Variants in PLXNC1 observed in about 807,000 individuals in gnomAD.
PLXNC1 encodes plexin C1, also known as plexin-C1.
A neutral mutation model predicts 178.2 loss-of-function variants in PLXNC1; 75 were observed. The ratio of observed to expected loss-of-function variants is 0.42; its 90% CI spans 0.35 to 0.51. PLXNC1 has a LOEUF of 0.51. Among genes scored for constraint, PLXNC1 ranks in the 20% least tolerant of loss-of-function variants. PLXNC1 has a pLI of 0.02. For synonymous variants in PLXNC1, 790 were observed against 779.9 expected (o/e 1.01, Z -0.22); for missense variants, 1,503 against 1,984.4 (o/e 0.76, Z 4.61).
chr12:94,302,202 C>T (rs888510421), intron 28 of PLXNC1, among the ~76,000 whole-genome samples: 7 of 152,154 alleles, frequency 4.6e-5, no homozygotes, highest in African/African-American at 9.7e-5. Context: ...GGGCTTCAGC[C>T]CTCTTTGCTG....
chr12:94,249,136 C>T lies in PLXNC1; in HGVS notation c.2778+724C>T, dbSNP rs943658748. 2.6e-5 allele frequency among the ~76,000 whole-genome samples: 4 copies of T among 152,260 alleles called. No individual in the cohort carries two copies. In the East Asian group the frequency reaches 5.8e-4, roughly 22 times the overall value. The stretch of plus-strand genomic sequence containing the variant: ...GCAACAACAAAAATGTGTTCATGTC[C>T]CACTGGCACCAGTTAATAGCTCTGT... On this transcript the variant is annotated intron_variant, in intron 14 of 30. Transcript: ENST00000258526.
At chr12:94,203,990 T>G (rs74752406) in intron 4 of PLXNC1, among the ~76,000 whole-genome samples, 31 of 152,318 alleles carry the variant, frequency 2.0e-4, no homozygotes, top group African/African-American at 7.5e-4. Context: ...CCTCGCTCTC[T>G]CTTGCTCTTC....
In PLXNC1 at chr12:94,240,374, C is replaced by T. The variant is rs1004298006; in HGVS notation, c.2121-111C>T. 9.9e-6 allele frequency: 8 copies of T among 811,916 alleles called. No homozygotes were observed. The African/African-American group carries it at 1.4e-4, about 14-fold the overall frequency. The allele number at this position is 811,916 out of a possible 1,614,324, so 50.3% of individuals were successfully genotyped here. On this transcript the variant is annotated intron_variant, in intron 10 of 30. Transcript: ENST00000258526. ...TCAGTAGTTGCCTGCAGCTGTTCTG[C>T]TCCTTCATGAAGTGTTGTAGTTCAA...
intron 24 of PLXNC1, among the ~76,000 whole-genome samples, chr12:94,295,211 G>A (rs1967782905): frequency 6.6e-6 from 1 of 152,212 alleles, no homozygotes; most frequent in Non-Finnish European, 1.5e-5. Flanking sequence ...GCCAGAGGTA[G>A]GGCTTCCTGA....
In PLXNC1 at chr12:94,235,655, C is replaced by T. The variant is rs554109430; in HGVS notation, c.1981-2009C>T. ...AAGACAGTAAATATTTTAGGCTTTGCGGGCCGTATGGTCTCTGCTGCAGCT... is the reference window on the plus strand; with the variant it reads ...AAGACAGTAAATATTTTAGGCTTTGTGGGCCGTATGGTCTCTGCTGCAGCT... On this transcript the variant is annotated intron_variant, in intron 9 of 30. Transcript: ENST00000258526. Among the ~76,000 whole-genome samples the T allele has an allele frequency of 2.0e-5, 3 of 152,308 alleles. No homozygotes were observed. The South Asian group carries it at 6.2e-4, about 32-fold the overall frequency.
At chr12:94,222,910 AGAT>A (rs1389441311) in intron 6 of PLXNC1, among the ~76,000 whole-genome samples, 1 of 152,200 alleles carries the variant, frequency 6.6e-6, no homozygotes, top group African/African-American at 2.4e-5. Context: ...TGAGAACAGA[AGAT>A]GATCATTTCA....
chr12:94,247,362 T>C (rs1348674355), intron 12 of PLXNC1, among the ~76,000 whole-genome samples: 1 of 152,216 alleles, frequency 6.6e-6, no homozygotes. Flanking sequence ...AAAACCCTTG[T>C]CCTCCTTGTG....
intron 22 of PLXNC1, chr12:94,280,168 T>C: frequency 4.3e-6 from 1 of 230,280 alleles, no homozygotes; most frequent in Non-Finnish European, 8.7e-6. Context: ...TGCAGCAGCA[T>C]CTGCTATGAA....
chr12:94,297,549 G>GT (rs1317143496), intron 26 of PLXNC1, 126 bp downstream of exon 26: 2 of 662,562 alleles, frequency 3.0e-6, no homozygotes, highest in Non-Finnish European at 5.3e-6. Flanking sequence ...CAAAATGAAA[G>GT]TTTAAATTGT....
chr12:94,250,636 A>G (rs2136067379), intron 14 of PLXNC1, among the ~76,000 whole-genome samples: 1 of 152,356 alleles, frequency 6.6e-6, no homozygotes, highest in Middle Eastern at 3.4e-3. Context: ...TTCACAAAAT[A>G]TAACCCAAAA....
At position 94,149,332 on chromosome 12, in the gene PLXNC1, G is replaced by A; in HGVS notation, c.361G>A (p.Gly121Arg). The stretch of plus-strand genomic sequence containing the variant: ...CCGCGAGGGGGCGGCCGGCCTCGGG[G>A]GGCTGCTGCTCACCGGCTGGACCTT... ...PYREGAAGLGGLLLTGWTFDR... is the reference protein window; with the variant it reads ...PYREGAAGLGRLLLTGWTFDR... The change falls in exon 1 of 31, where the codon GGG (glycine) becomes AGG (arginine). Residue 121 changes from glycine (G) to arginine (R), a missense_variant. Physicochemically the swap from Gly to Arg is moderately radical, Grantham distance 125. Transcript: ENST00000258526. The A allele has an allele frequency of 6.9e-7, 1 of 1,440,838 alleles. No homozygotes were observed. Among genetic ancestry groups the A allele is most frequent in the Non-Finnish European group, 9.0e-7 (1 of 1,106,694 alleles). The allele number at this position is 1,440,838 out of a possible 1,614,324, so 89.3% of individuals were successfully genotyped here.
rs568466454 is a variant in PLXNC1 at position 94,247,487 on chromosome 12, G to A, written c.2389-416G>A. Reference sequence around the variant, plus strand: ...GAGAGTTGGACACTTTTCTTTTCTCGTGGTTTCCCAGGGCTCAGACAGGCT... The same window carrying A: ...GAGAGTTGGACACTTTTCTTTTCTCATGGTTTCCCAGGGCTCAGACAGGCT... On this transcript the variant is annotated intron_variant, in intron 12 of 30. Coordinates refer to ENST00000258526, the MANE Select transcript of PLXNC1 (RefSeq NM_005761.3). 9.2e-5 allele frequency among the ~76,000 whole-genome samples: 14 copies of A among 152,124 alleles called. No homozygotes were observed. In the East Asian group the frequency reaches 1.9e-3, roughly 21 times the overall value.
At chr12:94,223,515 G>A (rs1376475309) in intron 6 of PLXNC1, among the ~76,000 whole-genome samples, 1 of 152,160 alleles carries the variant, frequency 6.6e-6, no homozygotes, top group Admixed American at 6.5e-5. Flanking sequence ...CTATAGCTTT[G>A]TAAATTTCTC....
chr12:94,181,556 C>T lies in PLXNC1; in HGVS notation c.1314C>T (p.Tyr438=). Reference sequence around the variant, plus strand: ...TTCCTGATCCTGTGAAGAATATCTACATTTATCTAACAGCTGGGAAAGAGG... The same window carrying T: ...TTCCTGATCCTGTGAAGAATATCTATATTTATCTAACAGCTGGGAAAGAGG... ...KLVPDPVKNI[Y]IYLTAGKEVR... Residue 438 remains tyrosine, a synonymous_variant, in exon 3 of 31, where the codon TAC becomes TAT. Coordinates refer to ENST00000258526, the MANE Select transcript of PLXNC1 (RefSeq NM_005761.3). 2 of 1,607,012 alleles carry T rather than the reference C, an allele frequency of 1.2e-6. No homozygotes were observed. Among genetic ancestry groups the T allele is most frequent in the Non-Finnish European group, 1.7e-6 (2 of 1,175,222 alleles).
intron 9 of PLXNC1, among the ~76,000 whole-genome samples, chr12:94,232,960 A>C (rs1224283904): frequency 6.6e-6 from 1 of 152,224 alleles, no homozygotes; most frequent in African/African-American, 2.4e-5. Flanking sequence ...AATTGAATAT[A>C]AACATTGGTT....
chr12:94,172,878 T>C (rs1961898016), intron 2 of PLXNC1, among the ~76,000 whole-genome samples: 1 of 152,210 alleles, frequency 6.6e-6, no homozygotes. Context: ...GGCTACAGTA[T>C]GCCAGTACCT....
chr12:94,149,674 G>A lies in PLXNC1; in HGVS notation c.703G>A (p.Val235Met). The change falls in exon 1 of 31, where the codon GTG (valine) becomes ATG (methionine). Residue 235 changes from valine to methionine, a missense_variant. Coordinates refer to ENST00000258526, the MANE Select transcript of PLXNC1 (RefSeq NM_005761.3). ...LCEGAGSLHF[V>M]DAFLWNGSIY... ...CGAGGGCGCGGGCAGCCTGCACTTC[G>A]TGGACGCCTTTCTCTGGAACGGCAG... is the stretch of plus-strand genomic sequence containing the variant. The A allele has an allele frequency of 5.0e-6, 8 of 1,609,756 alleles. No homozygotes were observed. The highest frequency in any genetic ancestry group is 6.8e-6 in the Non-Finnish European group (8 of 1,178,292).
intron 4 of PLXNC1, among the ~76,000 whole-genome samples, chr12:94,204,064 G>A (rs1289454024): frequency 1.3e-5 from 2 of 152,136 alleles, no homozygotes; most frequent in Non-Finnish European, 2.9e-5. Context: ...CTCGACCTTG[G>A]ACTCTCCAGC....
At chr12:94,302,677 G>C (rs1968582549) in intron 28 of PLXNC1, among the ~76,000 whole-genome samples, 1 of 152,132 alleles carries the variant, frequency 6.6e-6, no homozygotes. Flanking sequence ...GTTCTGGGAG[G>C]TTACAAGTCT....
Sources: allele counts gnomAD v4.1 joint callset (sites outside exome capture counted in the v4.1 genomes callset), GRCh38; gene constraint gnomAD v4.1.1; transcripts MANE v1.5; gene names NCBI Gene and HGNC (gene_info 2026-07-23, HGNC 2026-07-21).